LRP6: variants seen among roughly 807,000 people sequenced by gnomAD.
LRP6 encodes the protein LDL receptor related protein 6.
A neutral mutation model predicts 184.1 loss-of-function variants in LRP6; 43 were observed. The ratio of observed to expected loss-of-function variants is 0.23; its 90% CI spans 0.18 to 0.30. LRP6 has a LOEUF of 0.30. LRP6 is among the 10% of genes least tolerant of loss of function. LRP6 has a pLI of 1.00. For missense variants in LRP6, 1,571 were observed against 2,005.3 expected (o/e 0.78, Z 4.14); for synonymous variants, 719 against 684.9 (o/e 1.05, Z -0.78).
chr12:12,193,081 C>T (rs920846227), intron 3 of LRP6, among the ~76,000 whole-genome samples: 12 of 151,818 alleles, frequency 7.9e-5, no homozygotes, highest in Admixed American at 7.9e-4. Context: ...AAGAAATCAA[C>T]GGAAGAAAAT....
At chr12:12,193,791 C>G (rs1863679292) in intron 3 of LRP6, among the ~76,000 whole-genome samples, 1 of 152,080 alleles carries the variant, frequency 6.6e-6, no homozygotes, top group African/African-American at 2.4e-5. Flanking sequence ...AAAGTTGTAT[C>G]AACTGGTCAC....
At chr12:12,243,939 C>CTT (rs1565704421) in intron 2 of LRP6, among the ~76,000 whole-genome samples, 1 of 152,062 alleles carries the variant, frequency 6.6e-6, no homozygotes, top group Non-Finnish European at 1.5e-5. Context: ...TTTTAGCTAG[C>CTT]CAGGTGTGGT....
intron 2 of LRP6, among the ~76,000 whole-genome samples, chr12:12,214,690 A>T (rs1304494925): frequency 1.3e-5 from 2 of 152,228 alleles, no homozygotes; most frequent in Non-Finnish European, 2.9e-5. Flanking sequence ...CAAGCATAGA[A>T]AAAATAGTTT....
At chr12:12,192,169 ATATACT>A (rs1331095537) in intron 3 of LRP6, among the ~76,000 whole-genome samples, 4 of 152,080 alleles carry the variant, frequency 2.6e-5, no homozygotes, top group Admixed American at 1.3e-4. Context: ...GAGAATGGAG[ATATACT>A]TAGAGTAAAA....
chr12:12,230,891 A>T (rs1009208864), intron 2 of LRP6, among the ~76,000 whole-genome samples: 5 of 152,172 alleles, frequency 3.3e-5, no homozygotes, highest in African/African-American at 9.7e-5. Flanking sequence ...GAAAGTAAAA[A>T]GCAGTACATG....
intron 21 of LRP6, 77 bp from the exon 22 acceptor site, chr12:12,124,739 C>G: frequency 1.1e-6 from 1 of 892,166 alleles, no homozygotes; most frequent in Non-Finnish European, 1.8e-6. Context: ...TTTCTTCCTT[C>G]ATCTCTATTA....
chr12:12,155,301 G>A (rs1049896929), intron 12 of LRP6: 7 of 753,838 alleles, frequency 9.3e-6, no homozygotes, highest in Admixed American at 3.4e-5. Context: ...CACCCGATAC[G>A]TGTTCTCTAG....
At chr12:12,130,702 G>C (rs536074737) in intron 19 of LRP6, 81 bp downstream of exon 19, 1 of 806,606 alleles carries the variant, frequency 1.2e-6, no homozygotes, top group African/African-American at 1.7e-5. Flanking sequence ...AGGAAATCTC[G>C]ATAAGTAAAC....
At chr12:12,186,410 G>A (rs1319455358) in intron 4 of LRP6, among the ~76,000 whole-genome samples, 1 of 151,550 alleles carries the variant, frequency 6.6e-6, no homozygotes, top group Non-Finnish European at 1.5e-5. Context: ...GCAAAGTCTC[G>A]CTCTGTTGCC....
chr12:12,264,006 G>A (rs189368941), intron 1 of LRP6, among the ~76,000 whole-genome samples: 1 of 151,942 alleles, frequency 6.6e-6, no homozygotes, highest in Non-Finnish European at 1.5e-5. Flanking sequence ...TGGGGGCATA[G>A]TGGCACGTGC....
At chr12:12,232,332 C>T (rs1462061479) in intron 2 of LRP6, among the ~76,000 whole-genome samples, 5 of 149,834 alleles carry the variant, frequency 3.3e-5, no homozygotes, top group Admixed American at 1.3e-4. Flanking sequence ...TGCAGTGAGC[C>T]GAGATCGTAC....
chr12:12,185,444 C>CTGTT (rs35400922), intron 4 of LRP6, among the ~76,000 whole-genome samples: 21,894 of 151,992 alleles, frequency 0.14, 2,209 homozygotes, highest in African/African-American at 0.29. Context: ...CAACATAACA[C>CTGTT]TTTCAATATT....
In LRP6 at chr12:12,206,928, T is replaced by TA. The variant is rs60858132; in HGVS notation, c.450-3529dup. ...CAGCAAATTCTCTCCCTTAAGCAAT[T>TA]AAAAAAAAAAACAAGGTCAAATCTA... is the stretch of plus-strand genomic sequence containing the variant. On this transcript the variant is annotated intron_variant, in intron 2 of 22. Transcript: ENST00000261349. Among the ~76,000 whole-genome samples the TA allele has an allele frequency of 7.7e-3, 1,096 of 143,060 alleles. 9 individuals carry two copies. The highest frequency in any genetic ancestry group is 0.027 in the South Asian group (121 of 4,498). The allele number at this position is 143,060 out of a possible 152,430, so 93.9% of individuals were successfully genotyped here.
chr12:12,170,068 C>T (rs1277633014), intron 7 of LRP6, among the ~76,000 whole-genome samples: 2 of 152,176 alleles, frequency 1.3e-5, no homozygotes, highest in African/African-American at 2.4e-5. Flanking sequence ...AATGTTTTCG[C>T]TCACACCTGT....
intron 6 of LRP6, among the ~76,000 whole-genome samples, chr12:12,180,524 T>C (rs73291584): frequency 0.039 from 5,925 of 152,058 alleles, 373 homozygotes; most frequent in African/African-American, 0.14. Context: ...AATTGTTGAG[T>C]ATGTAAAAAG....
chr12:12,141,193 G>T (rs1433412319), intron 15 of LRP6, among the ~76,000 whole-genome samples: 1 of 151,854 alleles, frequency 6.6e-6, no homozygotes, highest in African/African-American at 2.4e-5. Context: ...AAGAGGAAAG[G>T]GCTGGGGGAG....
At chr12:12,238,682 G>A (rs1487051245) in intron 2 of LRP6, among the ~76,000 whole-genome samples, 1 of 151,896 alleles carries the variant, frequency 6.6e-6, no homozygotes, top group Non-Finnish European at 1.5e-5. Context: ...CAAGAATGAG[G>A]GCAAAATAAA....
intron 2 of LRP6, among the ~76,000 whole-genome samples, chr12:12,219,009 C>T (rs1022589384): frequency 2.6e-5 from 4 of 151,760 alleles, no homozygotes; most frequent in East Asian, 1.9e-4. Context: ...GAGGCCGAGG[C>T]GGGTGATCAC....
rs372294442 is a variant in LRP6 at position 12,215,113 on chromosome 12, A to G, written c.450-11713T>C. ...TGTCTCAGTCACTGGCTTTCTCTGC[A>G]GTGAGCAGCATGACCTAGACCAAAC... On this transcript the variant is annotated intron_variant, in intron 2 of 22. Transcript: ENST00000261349. Among the ~76,000 whole-genome samples the G allele has an allele frequency of 3.9e-5, 6 of 152,312 alleles. 1 individual carries two copies. In the East Asian group the frequency reaches 9.7e-4, roughly 25 times the overall value.
Sources: gnomAD v4.1 joint callset for allele counts (sites outside exome capture counted in the v4.1 genomes callset) on GRCh38, gnomAD v4.1.1 for gene constraint, MANE v1.5 for transcripts, NCBI Gene and HGNC (gene_info 2026-07-23, HGNC 2026-07-21) for gene names.